The following IQSEC1 variants were observed in gnomAD, a reference collection of about 807,000 sequenced individuals.
The protein encoded by IQSEC1 is IQ motif and SEC7 domain-containing protein 1.
IQSEC1 carries 31 observed loss-of-function variants against 91.0 expected under a neutral mutation model. The observed-to-expected ratio is 0.34, with a 90% CI of 0.26 to 0.46. IQSEC1 has a LOEUF of 0.46. Ranked by LOEUF, IQSEC1 falls within the 20% of genes least tolerant of loss-of-function variation. The probability of loss-of-function intolerance (pLI) is 1.00; values close to 1 mark genes in which losing one functional copy is unlikely to be tolerated. For synonymous variants in IQSEC1, 699 were observed against 662.6 expected (o/e 1.05, Z -0.84); for missense variants, 1,388 against 1,575.6 (o/e 0.88, Z 2.02).
At chr3:12,975,379 C>T (rs1046166447) in intron 1 of IQSEC1, among the ~76,000 whole-genome samples, 1 of 152,250 alleles carries the variant, frequency 6.6e-6, no homozygotes, top group Non-Finnish European at 1.5e-5. Flanking sequence ...TCCCAACTCT[C>T]TGCCTCTTCT....
intron 1 of IQSEC1, among the ~76,000 whole-genome samples, chr3:13,047,209 C>T (rs1212404221): frequency 2.6e-5 from 4 of 152,202 alleles, no homozygotes; most frequent in Non-Finnish European, 5.9e-5. Flanking sequence ...CTCCGAGGGG[C>T]CTTCAGCTGA....
At chr3:13,188,597 C>T (rs1693971130) in intron 1 of IQSEC1, among the ~76,000 whole-genome samples, 1 of 152,248 alleles carries the variant, frequency 6.6e-6, no homozygotes, top group South Asian at 2.1e-4. Context: ...GCAAACCCAG[C>T]TTTGAACCAT....
intron 2 of IQSEC1, among the ~76,000 whole-genome samples, chr3:13,115,841 T>C (rs1396541072): frequency 6.6e-6 from 1 of 152,206 alleles, no homozygotes; most frequent in Non-Finnish European, 1.5e-5. Flanking sequence ...CTCTCTCCTT[T>C]GGCCCTGAGC....
chr3:13,240,614 C>A (rs1378262389), intron 1 of IQSEC1, among the ~76,000 whole-genome samples: 1 of 152,068 alleles, frequency 6.6e-6, no homozygotes, highest in East Asian at 1.9e-4. Flanking sequence ...AAATGCATGC[C>A]CCTCAGCGCC....
intron 2 of IQSEC1, among the ~76,000 whole-genome samples, chr3:13,129,655 A>ATTTTTTTT (rs35069619): frequency 3.4e-5 from 4 of 118,344 alleles, no homozygotes; most frequent in Admixed American, 9.1e-5. Flanking sequence ...CATCTTATGA[A>ATTTTTTTT]TTTTTTTTTT....
chr3:13,096,910 G>C (rs1705974820), intron 2 of IQSEC1, among the ~76,000 whole-genome samples: 1 of 149,412 alleles, frequency 6.7e-6, no homozygotes, highest in African/African-American at 2.5e-5. Context: ...GCCCAGGCTG[G>C]AGTGCGGTGG....
chr3:13,274,352 G>T (rs1336215285), intron 1 of IQSEC1, among the ~76,000 whole-genome samples: 1 of 152,240 alleles, frequency 6.6e-6, no homozygotes, highest in Non-Finnish European at 1.5e-5. Flanking sequence ...CAAGTGACTT[G>T]CAAGGACCCT....
intron 1 of IQSEC1, among the ~76,000 whole-genome samples, chr3:13,248,966 C>T (rs1201543938): frequency 1.5e-5 from 2 of 130,870 alleles, no homozygotes; most frequent in Non-Finnish European, 3.1e-5. Context: ...CTGGATTGGA[C>T]CCAGACACTC....
At chr3:13,127,224 C>A (rs1404029713) in intron 2 of IQSEC1, among the ~76,000 whole-genome samples, 1 of 151,838 alleles carries the variant, frequency 6.6e-6, no homozygotes, top group Non-Finnish European at 1.5e-5. Context: ...ACCAGCCTGG[C>A]CAACATGGTG....
rs1171050210 is a variant in IQSEC1, at chr3:12,901,242, G to C, written c.3086C>G (p.Thr1029Ser). 6.5e-7 allele frequency: 1 copy of C among 1,548,810 alleles called. No homozygotes were observed. Residue 1029 changes from threonine to serine, a missense_variant, in exon 14 of 14, where the codon ACC becomes AGC. This residue lies in a region of IQSEC1 where 329 missense variants were observed against 257.8 expected (regional missense o/e 1.28). Coordinates refer to ENST00000613206, the MANE Select transcript of IQSEC1 (RefSeq NM_001134382.3). ...AGGGTTCTGCATGTGGCAGTACTGG[G>C]TGTGATGCCCGTGCATGGCGGCCTG... ...LPQAAMHGHH[T>S]QYCHMQNPPP... is the part of the protein sequence containing the mutation.
chr3:13,039,433 C>T (rs1299350926), intron 1 of IQSEC1, among the ~76,000 whole-genome samples: 2 of 152,232 alleles, frequency 1.3e-5, no homozygotes, highest in African/African-American at 2.4e-5. Flanking sequence ...CTGCAAAACA[C>T]CCCTTTCATA....
intron 1 of IQSEC1, among the ~76,000 whole-genome samples, chr3:13,232,715 A>G (rs955451825): frequency 6.6e-6 from 1 of 152,220 alleles, no homozygotes; most frequent in African/African-American, 2.4e-5. Flanking sequence ...ATTAAATATT[A>G]TTAGGTAATA....
At chr3:13,195,121 T>C (rs1407607657) in intron 1 of IQSEC1, among the ~76,000 whole-genome samples, 7 of 152,250 alleles carry the variant, frequency 4.6e-5, no homozygotes, top group Non-Finnish European at 8.8e-5. Context: ...GTATCTAGAA[T>C]ATAAAAAATG....
At chr3:13,111,082 C>G (rs571460326) in intron 2 of IQSEC1, among the ~76,000 whole-genome samples, 19 of 152,344 alleles carry the variant, frequency 1.2e-4, no homozygotes, top group Admixed American at 4.6e-4. Flanking sequence ...AGTGCTCATG[C>G]CCACTGCCCC....
chr3:12,999,069 T>C lies in IQSEC1; in HGVS notation c.24-57204A>G, dbSNP rs868762417. Among the ~76,000 whole-genome samples the C allele has an allele frequency of 2.0e-5, 3 of 152,336 alleles. No homozygotes were observed. In the South Asian group the frequency reaches 6.2e-4, roughly 32 times the overall value. On this transcript the variant is annotated intron_variant, in intron 1 of 13. Coordinates refer to ENST00000613206, the MANE Select transcript of IQSEC1 (RefSeq NM_001134382.3). ...ATGTATTACTGTTTGTAAAATATTA[T>C]GTTTAAAACTAATTTCTGAGTGGGG...
At chr3:13,060,179 G>A (rs1041214490) in intron 1 of IQSEC1, among the ~76,000 whole-genome samples, 1 of 152,208 alleles carries the variant, frequency 6.6e-6, no homozygotes, top group African/African-American at 2.4e-5. Flanking sequence ...GAGAGGTAAA[G>A]GGGTTGTCTG....
intron 2 of IQSEC1, among the ~76,000 whole-genome samples, chr3:13,139,124 T>C (rs1706758856): frequency 6.6e-6 from 1 of 152,110 alleles, no homozygotes; most frequent in South Asian, 2.1e-4. Context: ...CCCCAGCCAG[T>C]GAAGTAGGCA....
chr3:13,275,310 G>C (rs886915741), intron 1 of IQSEC1, among the ~76,000 whole-genome samples: 9 of 151,394 alleles, frequency 5.9e-5, no homozygotes, highest in African/African-American at 2.2e-4. Context: ...CATCCAAGAG[G>C]GAAAGCTGAA....
At chr3:13,240,827 G>A (rs1402799239) in intron 1 of IQSEC1, among the ~76,000 whole-genome samples, 1 of 152,172 alleles carries the variant, frequency 6.6e-6, no homozygotes, top group Non-Finnish European at 1.5e-5. Flanking sequence ...TGATAAATCC[G>A]ACACACTTTG....
Sources: gnomAD v4.1 joint callset for allele counts (sites outside exome capture counted in the v4.1 genomes callset) on GRCh38, gnomAD v4.1.1 for gene constraint, gnomAD v4.1.1 regional missense constraint, MANE v1.5 for transcripts, NCBI Gene and HGNC (gene_info 2026-07-23, HGNC 2026-07-21) for gene names.